HMGCLL1: variants seen among roughly 807,000 people sequenced by gnomAD.
HMGCLL1 encodes 3-hydroxymethyl-3-methylglutaryl-CoA lyase, cytoplasmic.
A neutral mutation model predicts 39.1 loss-of-function variants in HMGCLL1; 36 were observed. That is an observed-to-expected ratio of 0.92 (90% CI 0.71 to 1.22). The LOEUF is 1.22. Among genes scored for constraint, HMGCLL1 ranks in the 50% most tolerant of loss-of-function variants. HMGCLL1 has a pLI of 0.00. For missense variants in HMGCLL1, 451 were observed against 416.5 expected (o/e 1.08, Z -0.72); for synonymous variants, 149 against 144.0 (o/e 1.03, Z -0.25).
chr6:55,608,534 A>C, the HMGCLL1 span, among the ~76,000 whole-genome samples: 1 of 152,226 alleles, frequency 6.6e-6, no homozygotes, highest in Non-Finnish European at 1.5e-5. Context: ...ATTTTAGGGC[A>C]GCCAAGAAGG....
the HMGCLL1 span, among the ~76,000 whole-genome samples, chr6:55,621,658 C>T: frequency 1.3e-5 from 2 of 151,908 alleles, no homozygotes; most frequent in Non-Finnish European, 2.9e-5. Flanking sequence ...ACTGTTTCTA[C>T]ATTATGGTGA....
chr6:55,456,948 C>A (rs1043914305), intron 7 of HMGCLL1, among the ~76,000 whole-genome samples: 2 of 152,196 alleles, frequency 1.3e-5, no homozygotes, highest in African/African-American at 4.8e-5. Context: ...TCATCAGCAC[C>A]TGAGAAAGAA....
chr6:55,456,835 C>G (rs963991377), intron 7 of HMGCLL1, among the ~76,000 whole-genome samples: 1 of 152,138 alleles, frequency 6.6e-6, no homozygotes, highest in Non-Finnish European at 1.5e-5. Flanking sequence ...ACGGTGGGTT[C>G]CTGCTATTGC....
chr6:55,546,020 CT>C (rs1447972857), intron 1 of HMGCLL1, among the ~76,000 whole-genome samples: 1 of 152,090 alleles, frequency 6.6e-6, no homozygotes, highest in Non-Finnish European at 1.5e-5. Context: ...CATACCTGCC[CT>C]TTGCCTTAGA....
chr6:55,663,043 T>C, the HMGCLL1 span, among the ~76,000 whole-genome samples: 1 of 151,712 alleles, frequency 6.6e-6, no homozygotes, highest in Non-Finnish European at 1.5e-5. Flanking sequence ...CTCTTTGTTG[T>C]TTCTTATTGT....
chr6:55,595,222 G>T, the HMGCLL1 span, among the ~76,000 whole-genome samples: 1 of 152,158 alleles, frequency 6.6e-6, no homozygotes, highest in Non-Finnish European at 1.5e-5. Context: ...ACTATGTACA[G>T]AGACAACATC....
At chr6:55,452,743 CTG>C (rs541880097) in intron 7 of HMGCLL1, among the ~76,000 whole-genome samples, 35 of 152,304 alleles carry the variant, frequency 2.3e-4, no homozygotes, top group Admixed American at 1.8e-3. Flanking sequence ...TGAGACACCC[CTG>C]TGTCTTCATA....
intron 8 of HMGCLL1, 65 bp from the exon 9 acceptor site, chr6:55,435,828 G>T: frequency 1.3e-6 from 1 of 764,546 alleles, no homozygotes; most frequent in Middle Eastern, 2.6e-4. Context: ...ATAAAACATA[G>T]CCTTTTAAAT....
At chr6:55,583,960 C>G (rs1007058356), upstream of HMGCLL1, among the ~76,000 whole-genome samples, 1 of 151,844 alleles carries the variant, frequency 6.6e-6, no homozygotes, top group Non-Finnish European at 1.5e-5. Context: ...TTTTTTTCAT[C>G]TCTCATATAT....
the HMGCLL1 span, among the ~76,000 whole-genome samples, chr6:55,663,153 A>T: frequency 6.7e-6 from 1 of 150,320 alleles, no homozygotes; most frequent in Admixed American, 6.6e-5. Context: ...TAATCATTTT[A>T]ATGATTTTTT....
At chr6:55,563,765 T>A (rs1237471887) in intron 1 of HMGCLL1, 1 of 692,034 alleles carries the variant, frequency 1.4e-6, no homozygotes, top group Non-Finnish European at 2.2e-6. Context: ...AAGGATCATA[T>A]TTTATTCTCC....
chr6:55,610,388 A>G, the HMGCLL1 span, among the ~76,000 whole-genome samples: 1 of 151,970 alleles, frequency 6.6e-6, no homozygotes, highest in South Asian at 2.1e-4. Flanking sequence ...CATGAAACAT[A>G]TATAAATATC....
intron 1 of HMGCLL1, among the ~76,000 whole-genome samples, chr6:55,546,439 A>T (rs575240757): frequency 3.3e-4 from 51 of 152,264 alleles, no homozygotes; most frequent in Non-Finnish European, 8.8e-5. Context: ...TAAGCACTTG[A>T]TCAATGTTTG....
chr6:55,652,532 T>C, the HMGCLL1 span, among the ~76,000 whole-genome samples: 3 of 152,130 alleles, frequency 2.0e-5, no homozygotes, highest in African/African-American at 7.2e-5. Flanking sequence ...CTCCATGAGA[T>C]AGAAAACAGG....
the HMGCLL1 span, among the ~76,000 whole-genome samples, chr6:55,643,380 T>C: frequency 6.6e-6 from 1 of 152,070 alleles, no homozygotes; most frequent in East Asian, 1.9e-4. Flanking sequence ...TGCATTGCTT[T>C]CTAGTTGTTT....
the HMGCLL1 span, among the ~76,000 whole-genome samples, chr6:55,673,075 T>G: frequency 6.6e-6 from 1 of 152,038 alleles, no homozygotes; most frequent in African/African-American, 2.4e-5. Flanking sequence ...CTGATACCTA[T>G]GCAACCTTCC....
chr6:55,644,559 T>G, the HMGCLL1 span, among the ~76,000 whole-genome samples: 5 of 152,108 alleles, frequency 3.3e-5, no homozygotes, highest in African/African-American at 7.2e-5. Flanking sequence ...TAATCTATTT[T>G]GATTTGATTT....
chr6:55,541,737 C>T lies in HMGCLL1; in HGVS notation c.289G>A (p.Val97Ile), dbSNP rs749751733. Residue 97 changes from valine (V) to isoleucine (I), a missense_variant, in exon 3 of 9, where the codon GTA becomes ATA. Val to Ile is a conservative substitution (Grantham distance 29, BLOSUM62 3). Transcript: ENST00000274901. ...EVTSFVSSRW[V>I]PQMADHTEVM... ...ATTGTGGGTTTACATACCTGTGGTACCCATCTGGAAGACACAAAGCTAGTC... is the reference window on the plus strand; with the variant it reads ...ATTGTGGGTTTACATACCTGTGGTATCCATCTGGAAGACACAAAGCTAGTC... The T allele has an allele frequency of 1.9e-6, 3 of 1,565,450 alleles. No individual in the cohort carries two copies. The highest frequency in any genetic ancestry group is 2.3e-5 in the East Asian group (1 of 44,208).
At chr6:55,636,864 C>T in the HMGCLL1 span, among the ~76,000 whole-genome samples, 2 of 152,088 alleles carry the variant, frequency 1.3e-5, no homozygotes, top group African/African-American at 4.8e-5. Context: ...TATCATTATT[C>T]ACTTCTGACA....
Sources: allele counts gnomAD v4.1 joint callset (sites outside exome capture counted in the v4.1 genomes callset), GRCh38; gene constraint gnomAD v4.1.1; transcripts MANE v1.5; gene names NCBI Gene and HGNC (gene_info 2026-07-23, HGNC 2026-07-21).